The following XRN2 variants were observed in gnomAD, a reference collection of about 807,000 sequenced individuals.
XRN2 encodes the protein 5'-3' exoribonuclease 2.
XRN2 carries 44 observed loss-of-function variants against 138.5 expected under a neutral mutation model. That is an observed-to-expected ratio of 0.32 (90% CI 0.25 to 0.41). The LOEUF is 0.41. Among genes scored for constraint, XRN2 ranks in the 10% least tolerant of loss-of-function variants. XRN2 has a pLI of 1.00. For synonymous variants in XRN2, 354 were observed against 369.4 expected (o/e 0.96, Z 0.48); for missense variants, 937 against 1,169.3 (o/e 0.80, Z 2.90).
At chr20:21,368,628 TA>T (rs773976205) in intron 27 of XRN2, 38 bp downstream of exon 27, 1 of 1,607,278 alleles carries the variant, frequency 6.2e-7, no homozygotes, top group African/African-American at 1.3e-5. Flanking sequence ...CATTATAAAT[TA>T]AATATCACAG....
At chr20:21,382,166 C>G in intron 28 of XRN2, 109 bp downstream of exon 28, 3 of 831,526 alleles carry the variant, frequency 3.6e-6, no homozygotes, top group Non-Finnish European at 5.3e-6. Flanking sequence ...TACTTTTTCC[C>G]ACCAAAAACA....
At chr20:21,365,869 TTA>T (rs1337349676) in intron 26 of XRN2, among the ~76,000 whole-genome samples, 165 bp downstream of exon 26, 1 of 127,868 alleles carries the variant, frequency 7.8e-6, no homozygotes, top group African/African-American at 2.9e-5. Context: ...TAATATATAA[TTA>T]TATATAATAT....
intron 27 of XRN2, among the ~76,000 whole-genome samples, chr20:21,380,516 CAG>C (rs2038872043): frequency 6.6e-6 from 1 of 152,160 alleles, no homozygotes; most frequent in Non-Finnish European, 1.5e-5. Context: ...AGTAATGACT[CAG>C]AACTTACTCT....
chr20:21,352,666 C>T (rs2038524501), intron 20 of XRN2, among the ~76,000 whole-genome samples: 1 of 152,074 alleles, frequency 6.6e-6, no homozygotes, highest in African/African-American at 2.4e-5. Flanking sequence ...TCGTTTTGGT[C>T]AATTTGCTTA....
intron 3 of XRN2, among the ~76,000 whole-genome samples, chr20:21,327,007 A>G (rs1003748245): frequency 3.9e-5 from 6 of 152,182 alleles, no homozygotes; most frequent in African/African-American, 1.4e-4. Flanking sequence ...TTCTTTAACA[A>G]TGAAGAATAA....
At chr20:21,320,594 C>T (rs762618816) in intron 1 of XRN2, among the ~76,000 whole-genome samples, 94 of 150,038 alleles carry the variant, frequency 6.3e-4, no homozygotes, top group African/African-American at 1.9e-3. Context: ...CCACCACGCC[C>T]GGCCTTATTT....
At chr20:21,355,057 T>C (rs1417314602) in intron 21 of XRN2, among the ~76,000 whole-genome samples, 185 bp downstream of exon 21, 5 of 152,244 alleles carry the variant, frequency 3.3e-5, no homozygotes, top group Admixed American at 3.3e-4. Context: ...AGTTGAGTAG[T>C]AGTTAAATAA....
At chr20:21,334,297 TC>T in intron 13 of XRN2, 112 bp downstream of exon 13, 1 of 832,916 alleles carries the variant, frequency 1.2e-6, no homozygotes, top group Non-Finnish European at 1.9e-6. Context: ...TTATGGTGTG[TC>T]AACACTAATG....
intron 20 of XRN2, 90 bp from the exon 21 acceptor site, chr20:21,354,697 ACT>A (rs1021383824): frequency 9.1e-5 from 108 of 1,184,310 alleles, no homozygotes; most frequent in African/African-American, 5.6e-4. Context: ...CAGCAAGGAA[ACT>A]CTACTAGAAA....
rs368410045 is a variant in XRN2, at chr20:21,368,459, A to G, written c.2457-4A>G. 80 of 1,613,554 alleles carry G rather than the reference A, an allele frequency of 5.0e-5. No homozygotes were observed. The highest frequency in any genetic ancestry group is 3.3e-4 in the Middle Eastern group (2 of 6,060). On this transcript the variant is annotated splice_polypyrimidine_tract_variant and splice_region_variant and intron_variant, in intron 26 of 29. Coordinates refer to ENST00000377191, the MANE Select transcript of XRN2 (RefSeq NM_012255.5). ...TTTTTTTCTTGTGTTGGGTCCTTTTATAGCCATGTGATGCCAAGAGGCTCA... is the reference window on the plus strand; with the variant it reads ...TTTTTTTCTTGTGTTGGGTCCTTTTGTAGCCATGTGATGCCAAGAGGCTCA...
intron 1 of XRN2, among the ~76,000 whole-genome samples, chr20:21,318,516 GA>G (rs768998247): frequency 5.3e-5 from 8 of 151,636 alleles, no homozygotes; most frequent in South Asian, 2.1e-4. Context: ...ATTGATTTGA[GA>G]TTTTTTTTTT....
At chr20:21,340,505 T>A (rs1039607033) in intron 14 of XRN2, among the ~76,000 whole-genome samples, 1 of 152,202 alleles carries the variant, frequency 6.6e-6, no homozygotes, top group Non-Finnish European at 1.5e-5. Context: ...TAGGACTGAG[T>A]TATTAAGTAT....
At chr20:21,365,303 C>T (rs2038680974) in intron 24 of XRN2, 118 bp from the exon 25 acceptor site, 1 of 925,804 alleles carries the variant, frequency 1.1e-6, no homozygotes, top group Non-Finnish European at 1.6e-6. Context: ...ATTTGTCAAA[C>T]CCATTTATTA....
intron 4 of XRN2, among the ~76,000 whole-genome samples, chr20:21,329,626 A>T (rs776417859): frequency 6.6e-6 from 1 of 152,194 alleles, no homozygotes; most frequent in Non-Finnish European, 1.5e-5. Context: ...TATTTATAAC[A>T]ATGTTTCTGA....
At chr20:21,312,596 C>T (rs980003819) in intron 1 of XRN2, among the ~76,000 whole-genome samples, 4 of 109,240 alleles carry the variant, frequency 3.7e-5, no homozygotes, top group East Asian at 5.8e-4. Flanking sequence ...AAAACCAAAC[C>T]CCAAGATTTT....
In XRN2 at chr20:21,388,270, C is replaced by G. The variant is rs539484670; in HGVS notation, c.2788-1003C>G. 4.2e-4 allele frequency among the ~76,000 whole-genome samples: 64 copies of G among 152,312 alleles called. 1 individual carries two copies. In the South Asian group the frequency reaches 0.013, roughly 31 times the overall value. On this transcript the variant is annotated intron_variant, in intron 29 of 29. Coordinates refer to ENST00000377191, the MANE Select transcript of XRN2 (RefSeq NM_012255.5). ...CCCCAGTTCATCCATTTTCCTCTCT[C>G]CTTTGGAGATCTTCCTTTTAAAGGA...
At chr20:21,362,124 G>C (rs561111920) in intron 24 of XRN2, among the ~76,000 whole-genome samples, 2 of 141,948 alleles carry the variant, frequency 1.4e-5, no homozygotes, top group Admixed American at 1.4e-4. Flanking sequence ...GTTCTGAGGG[G>C]AAGTAGGGAT....
At chr20:21,343,643 G>A (rs2038399985) in intron 15 of XRN2, among the ~76,000 whole-genome samples, 1 of 150,780 alleles carries the variant, frequency 6.6e-6, no homozygotes, top group Non-Finnish European at 1.5e-5. Flanking sequence ...TATATGTAAT[G>A]CATTTTATAT....
intron 27 of XRN2, among the ~76,000 whole-genome samples, chr20:21,374,000 C>G (rs2038790810): frequency 6.6e-6 from 1 of 152,088 alleles, no homozygotes; most frequent in Admixed American, 6.6e-5. Context: ...TGTGGGAATT[C>G]TTTGTACTCA....
Sources: allele counts gnomAD v4.1 joint callset (sites outside exome capture counted in the v4.1 genomes callset), GRCh38; gene constraint gnomAD v4.1.1; transcripts MANE v1.5; gene names NCBI Gene and HGNC (gene_info 2026-07-23, HGNC 2026-07-21).